Variants in CHAF1A observed in about 807,000 individuals in gnomAD.
CHAF1A encodes the protein chromatin assembly factor 1 subunit A.
CHAF1A carries 5 observed loss-of-function variants against 93.2 expected under a neutral mutation model. The ratio of observed to expected loss-of-function variants is 0.05; its 90% confidence interval spans 0.03 to 0.11. The LOEUF (loss-of-function observed/expected upper bound fraction) is 0.11. Among genes scored for constraint, CHAF1A ranks in the 10% least tolerant of loss-of-function variants. CHAF1A has a pLI of 1.00. For missense variants in CHAF1A, 1,102 were observed against 1,259.9 expected, an observed-to-expected ratio of 0.87 and a Z score of 1.90; for synonymous variants, 504 against 510.3, an observed-to-expected ratio of 0.99 and a Z score of 0.17.
downstream of CHAF1A, chr19:4,445,033 C>T (rs1356087944): frequency 6.1e-6 from 1 of 163,704 alleles, no homozygotes; most frequent in Admixed American, 5.9e-5. Context: ...TTTATTTGGG[C>T]TTATGATTTA....
chr19:4,443,550 C>T (rs1026604638), downstream of CHAF1A, among the ~76,000 whole-genome samples: 3 of 152,200 alleles, frequency 2.0e-5, no homozygotes, highest in African/African-American at 7.2e-5. Flanking sequence ...ACCCTCATAC[C>T]AGGCTGACCT....
chr19:4,435,783 G>A (rs894613825), intron 13 of CHAF1A, among the ~76,000 whole-genome samples: 1 of 152,172 alleles, frequency 6.6e-6, no homozygotes, highest in Non-Finnish European at 1.5e-5. Flanking sequence ...CAGAGACTTG[G>A]GACAAGGAGC....
chr19:4,432,233 C>T, intron 12 of CHAF1A, 26 bp downstream of exon 12: 1 of 1,572,258 alleles, frequency 6.4e-7, no homozygotes, highest in East Asian at 2.3e-5. Flanking sequence ...GCCAGGCCAC[C>T]CACCTGTTCC....
At chr19:4,437,227 C>T (rs746704143) in intron 13 of CHAF1A, among the ~76,000 whole-genome samples, 6 of 152,262 alleles carry the variant, frequency 3.9e-5, no homozygotes, top group Non-Finnish European at 7.4e-5. Flanking sequence ...GGGACATAAA[C>T]GTCCCTGGGG....
At chr19:4,447,635 G>A (rs758153656), downstream of CHAF1A, 6 of 1,613,824 alleles carry the variant, frequency 3.7e-6, no homozygotes, top group Admixed American at 1.7e-5. Flanking sequence ...CCTGGGGTAG[G>A]TGGAGAAGGT....
chr19:4,430,789 G>A (rs1234686503), intron 11 of CHAF1A, 148 bp downstream of exon 11: 2 of 758,004 alleles, frequency 2.6e-6, no homozygotes, highest in Non-Finnish European at 4.3e-6. Flanking sequence ...TCACTCGTGG[G>A]AACAGCTGGG....
rs1319763810 is a variant in CHAF1A at position 4,402,669 on chromosome 19, G to C, written c.-94G>C. ...TACGAGCGCGGCGGCCGCGGCGGCA[G>C]CAGCGGCGCGGGCGGGAGGGCGAAG... On this transcript the variant is annotated 5_prime_UTR_variant, in exon 1 of 15. Coordinates refer to ENST00000301280, the MANE Select transcript of CHAF1A (RefSeq NM_005483.3). 2 of 838,916 alleles carry C rather than the reference G, an allele frequency of 2.4e-6. No individual in the cohort carries two copies. The highest frequency in any genetic ancestry group is 3.1e-6 in the Non-Finnish European group (2 of 645,034). The allele number at this position is 838,916 out of a possible 1,614,324, so 52.0% of individuals were successfully genotyped here.
rs547116722 is a variant in CHAF1A at position 4,437,961 on chromosome 19, C to T, written c.2674-4284C>T. Among the ~76,000 whole-genome samples the T allele has an allele frequency of 1.6e-4, 24 of 151,978 alleles. No homozygotes were observed. In the East Asian group the frequency reaches 1.9e-3, roughly 12 times the overall value. On this transcript the variant is annotated intron_variant, in intron 13 of 14. Transcript: ENST00000301280. ...TTTCACTGTGTTAGCCAGGATGGTC[C>T]CGATCTCCTGACCTTGTGATCTGCC... is the stretch of plus-strand genomic sequence containing the variant.
At chr19:4,448,249 C>G, downstream of CHAF1A, 5 of 1,391,650 alleles carry the variant, frequency 3.6e-6, no homozygotes, top group Non-Finnish European at 4.9e-6. Flanking sequence ...GAGGGGGTGA[C>G]AGCCCCAGTG....
In CHAF1A at chr19:4,419,996, G is replaced by A. The variant is rs141427396; in HGVS notation, c.1017+1920G>A. On this transcript the variant is annotated intron_variant, in intron 4 of 14. Coordinates refer to ENST00000301280, the MANE Select transcript of CHAF1A (RefSeq NM_005483.3). ...TCGTGTGTCTCGTATATCAGATGCA[G>A]TCACACAGCACACTGGCAGGAAATG... Among the ~76,000 whole-genome samples, 720 of 152,250 alleles carry A rather than the reference G, an allele frequency of 4.7e-3. 5 individuals carry two copies. Among genetic ancestry groups the A allele is most frequent in the African/African-American group, 0.016 (679 of 41,546 alleles).
intron 5 of CHAF1A, 22 bp from the exon 6 acceptor site, chr19:4,423,313 A>G: frequency 6.2e-7 from 1 of 1,614,040 alleles, no homozygotes; most frequent in African/African-American, 1.3e-5. Context: ...AGTCGGCTGA[A>G]ATGTCATTTG....
At position 4,433,628 on chromosome 19, in the gene CHAF1A, T is replaced by A. The variant is rs1974231423; in HGVS notation, c.2673+89T>A. 2.9e-6 allele frequency: 3 copies of A among 1,037,950 alleles called. No individual in the cohort carries two copies. Among genetic ancestry groups the A allele is most frequent in the African/African-American group, 3.3e-5 (2 of 61,486 alleles). 64.3% of individuals were successfully genotyped at this position (1,037,950 alleles called of 1,614,324 possible). A position where few individuals can be genotyped will look rare whatever the true frequency, so the allele number is the denominator to read the frequency against. On this transcript the variant is annotated intron_variant, in intron 13 of 14. Coordinates refer to ENST00000301280, the MANE Select transcript of CHAF1A (RefSeq NM_005483.3). The surrounding 1 kb of genome is among the most constrained non-coding windows in gnomAD (Gnocchi z 5.6). The stretch of plus-strand genomic sequence containing the variant: ...GTTTTGTTTTTTTTTCGAGATGGAG[T>A]CCTGCTCTGTCACCCAGGCTGGAGT...
intron 2 of CHAF1A, among the ~76,000 whole-genome samples, chr19:4,407,985 G>A (rs1234603855): frequency 6.6e-6 from 1 of 151,764 alleles, no homozygotes; most frequent in African/African-American, 2.4e-5. Context: ...TGTTAGAAAA[G>A]GATAGAATGA....
At chr19:4,417,190 T>G (rs1360638903) in intron 3 of CHAF1A, among the ~76,000 whole-genome samples, 1 of 151,872 alleles carries the variant, frequency 6.6e-6, no homozygotes, top group Non-Finnish European at 1.5e-5. Flanking sequence ...AGGCTGGTCT[T>G]GAACTCCTGG....
chr19:4,421,066 C>T (rs1243489176), intron 4 of CHAF1A, among the ~76,000 whole-genome samples: 1 of 152,094 alleles, frequency 6.6e-6, no homozygotes, highest in Non-Finnish European at 1.5e-5. Flanking sequence ...GACTCTATCT[C>T]CAAATAAATA....
At position 4,409,573 on chromosome 19, in the gene CHAF1A, C is replaced by T. The variant is rs143281078; in HGVS notation, c.774C>T (p.Ala258=). ...CACCGCAAATCAAGTCCCTTCCAGC[C>T]ACACCCCAAGGCAAGAACATGACCC... ...VRPPQIKSLP[A]TPQGKNMTPE... is the part of the protein sequence containing the mutation. The change falls in exon 3 of 15, where the codon GCC becomes GCT. Residue 258 remains alanine, a synonymous_variant. Transcript: ENST00000301280. The T allele has an allele frequency of 2.5e-6, 4 of 1,614,024 alleles. No homozygotes were observed. The African/African-American group carries it at 4.0e-5, about 16-fold the overall frequency.
chr19:4,448,207 C>A, downstream of CHAF1A: 1 of 1,023,300 alleles, frequency 9.8e-7, no homozygotes, highest in African/African-American at 1.6e-5. Context: ...ATGCTCCTTC[C>A]CAACCCACCT....
rs188034662 is a variant in CHAF1A at position 4,437,132 on chromosome 19, C to T, written c.2673+3593C>T. On this transcript the variant is annotated intron_variant, in intron 13 of 14. Coordinates refer to ENST00000301280, the MANE Select transcript of CHAF1A (RefSeq NM_005483.3). ...GGCCTCCTGGGGCTCAGCAGTGCAG[C>T]GGACGCACGAAGGTCACACGTGAAG... Among the ~76,000 whole-genome samples, 184 of 152,156 alleles carry T rather than the reference C, an allele frequency of 1.2e-3. 1 individual carries two copies. Among genetic ancestry groups the T allele is most frequent in the East Asian group, 4.4e-3 (23 of 5,174 alleles).
downstream of CHAF1A, chr19:4,447,559 C>G (rs752880749): frequency 8.1e-6 from 13 of 1,613,750 alleles, no homozygotes; most frequent in Non-Finnish European, 1.1e-5. Flanking sequence ...CCTGAAACAC[C>G]TTGTTCTGCA....
Sources: gnomAD v4.1 joint callset for allele counts (sites outside exome capture counted in the v4.1 genomes callset) on GRCh38, gnomAD v4.1.1 for gene constraint, Gnocchi (gnomAD v3.1) non-coding constraint, MANE v1.5 for transcripts, NCBI Gene and HGNC (gene_info 2026-07-23, HGNC 2026-07-21) for gene names.